CUX1: variants seen among roughly 807,000 people sequenced by gnomAD.
CUX1 encodes the protein protein CASP.
In CUX1, 31 loss-of-function variants were observed where a neutral mutation model predicts 158.8. The observed-to-expected ratio is 0.20, with a 90% CI of 0.15 to 0.26. The LOEUF is 0.26. CUX1 is among the 10% of genes least tolerant of loss of function. The probability of loss-of-function intolerance (pLI) is 1.00; values close to 1 mark genes in which losing one functional copy is unlikely to be tolerated. For synonymous variants in CUX1, 879 were observed against 862.1 expected (o/e 1.02, Z -0.34); for missense variants, 1,589 against 2,014.6 (o/e 0.79, Z 4.04).
In CUX1 at chr7:102,201,781, G is replaced by A. The variant is rs1554519867; in HGVS notation, c.2484G>A (p.Val828=). 1.2e-6 allele frequency: 2 copies of A among 1,612,748 alleles called. No homozygotes were observed. Among genetic ancestry groups the A allele is most frequent in the Non-Finnish European group, 1.7e-6 (2 of 1,179,924 alleles). The change falls in exon 18 of 24, where the codon GTG becomes GTA. Residue 828 remains valine (V), a synonymous_variant. Coordinates refer to ENST00000292535, the MANE Select transcript of CUX1 (RefSeq NM_181552.4). The surrounding 1 kb of genome is among the most constrained non-coding windows in gnomAD (Gnocchi z 5.0). ...GGAAGGACCACTGGTGGAGCGCGGT[G>A]CAGCCGGAGAGAAGAAATGCCGCCT... ...GAWKDHWWSA[V]QPERRNAASS...
intron 2 of CUX1, among the ~76,000 whole-genome samples, chr7:101,952,015 G>T (rs1809122475): frequency 6.6e-6 from 1 of 152,218 alleles, no homozygotes; most frequent in African/African-American, 2.4e-5. Flanking sequence ...AGGCCCATTT[G>T]AACTCCTGTC....
chr7:101,965,402 G>T (rs1343453815), intron 2 of CUX1, among the ~76,000 whole-genome samples: 2 of 152,058 alleles, frequency 1.3e-5, no homozygotes, highest in African/African-American at 4.8e-5. Context: ...CTCCCTCCCA[G>T]ACCTGTTCTC....
chr7:102,003,415 A>C (rs2129280302), intron 2 of CUX1, among the ~76,000 whole-genome samples: 1 of 152,218 alleles, frequency 6.6e-6, no homozygotes, highest in African/African-American at 2.4e-5. Context: ...AATAAAGGGA[A>C]GTTACTTCTT....
In CUX1 at chr7:102,265,281, C is replaced by T. The variant is rs570929330; in HGVS notation, c.1256-8085C>T. 7.5e-4 allele frequency among the ~76,000 whole-genome samples: 113 copies of T among 150,312 alleles called. 1 individual carries two copies. Among genetic ancestry groups the T allele is most frequent in the African/African-American group, 2.5e-3 (103 of 40,872 alleles). ...TGAGGCAGGAGAATTGCTTGAACCC[C>T]GGAGGCAGAGGTTGCAGTGAGCCGA... On this transcript the variant is annotated intron_variant, in intron 14 of 22. Coordinates refer to the CUX1 transcript ENST00000292538.
chr7:102,255,036 G>T lies in CUX1; in HGVS notation c.*5994G>T. ...ATCAGGACGGAAGAGGAGGGGGTGTGGGGGGCAGAGCGTAAAACAAGCCCC... is the reference window on the plus strand; with the variant it reads ...ATCAGGACGGAAGAGGAGGGGGTGTTGGGGGCAGAGCGTAAAACAAGCCCC... On this transcript the variant is annotated 3_prime_UTR_variant, in exon 24 of 24. Coordinates refer to ENST00000292535, the MANE Select transcript of CUX1 (RefSeq NM_181552.4). 1.0e-6 allele frequency: 1 copy of T among 985,436 alleles called. No individual in the cohort carries two copies. The highest frequency in any genetic ancestry group is 1.2e-6 in the Non-Finnish European group (1 of 830,010). The allele number at this position is 985,436 out of a possible 1,614,324, so 61.0% of individuals were successfully genotyped here.
At chr7:102,230,103 G>T (rs1563452267) in intron 21 of CUX1, among the ~76,000 whole-genome samples, 1 of 152,166 alleles carries the variant, frequency 6.6e-6, no homozygotes, top group Non-Finnish European at 1.5e-5. Context: ...CTACCGAGTG[G>T]TTGCAGTTTG....
At chr7:102,183,997 A>G (rs1205316935) in intron 11 of CUX1, among the ~76,000 whole-genome samples, 1 of 152,114 alleles carries the variant, frequency 6.6e-6, no homozygotes, top group South Asian at 2.1e-4. Context: ...TCCCTGGCTC[A>G]AGGAATCCTC....
At chr7:102,205,942 G>T (rs1057008812) in intron 20 of CUX1, among the ~76,000 whole-genome samples, 1 of 152,164 alleles carries the variant, frequency 6.6e-6, no homozygotes, top group Admixed American at 6.6e-5. Context: ...TTCACAGCCA[G>T]CTTTTAGGAA....
In CUX1 at chr7:102,251,710, C is replaced by G; in HGVS notation, c.*2668C>G. The G allele has an allele frequency of 1.0e-6, 1 of 985,322 alleles. No individual in the cohort carries two copies. The highest frequency in any genetic ancestry group is 1.2e-6 in the Non-Finnish European group (1 of 829,914). 61.0% of individuals were successfully genotyped at this position (985,322 alleles called of 1,614,324 possible). On this transcript the variant is annotated 3_prime_UTR_variant, in exon 24 of 24. Coordinates refer to ENST00000292535, the MANE Select transcript of CUX1 (RefSeq NM_181552.4). ...GCAGAGCCCTGACGACTGTGGTGTCCTCTCCACAAAACCCTCAAGGGACTT... is the reference window on the plus strand; with the variant it reads ...GCAGAGCCCTGACGACTGTGGTGTCGTCTCCACAAAACCCTCAAGGGACTT...
rs561208946 is a variant in CUX1, at chr7:102,234,859, C to T, written c.3622+619C>T. Among the ~76,000 whole-genome samples, 55 of 151,922 alleles carry T rather than the reference C, an allele frequency of 3.6e-4. 2 individuals are homozygous for T. In the South Asian group the frequency reaches 8.1e-3, roughly 22 times the overall value. ...AGGCACAAGAATCGCTTGAACCCTG[C>T]AGGCGGTGAACAGAGATTGAGCCAC... On this transcript the variant is annotated intron_variant, in intron 22 of 23. Coordinates refer to ENST00000292535, the MANE Select transcript of CUX1 (RefSeq NM_181552.4).
At chr7:102,051,078 C>A (rs578143799) in intron 3 of CUX1, among the ~76,000 whole-genome samples, 1 of 152,110 alleles carries the variant, frequency 6.6e-6, no homozygotes, top group Admixed American at 6.6e-5. Flanking sequence ...GTCCCTTGCA[C>A]CTCCCTCCAC....
intron 3 of CUX1, among the ~76,000 whole-genome samples, chr7:102,041,985 C>T (rs1320281223): frequency 2.6e-5 from 4 of 152,014 alleles, no homozygotes; most frequent in Non-Finnish European, 5.9e-5. Flanking sequence ...TTATAGTTTG[C>T]TTACCAAGGC....
At chr7:101,861,154 T>A (rs2131361548) in intron 1 of CUX1, among the ~76,000 whole-genome samples, 1 of 152,222 alleles carries the variant, frequency 6.6e-6, no homozygotes, top group Non-Finnish European at 1.5e-5. Context: ...TTAGAACGGA[T>A]CTCAGCCACC....
At chr7:101,917,623 G>A (rs1047267465) in intron 2 of CUX1, among the ~76,000 whole-genome samples, 4 of 152,156 alleles carry the variant, frequency 2.6e-5, no homozygotes, top group African/African-American at 4.8e-5. Flanking sequence ...GGGACAGAAC[G>A]TCCTTCTTCT....
At chr7:101,881,753 T>G (rs1167699912) in intron 1 of CUX1, among the ~76,000 whole-genome samples, 1 of 152,202 alleles carries the variant, frequency 6.6e-6, no homozygotes, top group African/African-American at 2.4e-5. Flanking sequence ...GACTGATGAC[T>G]TTCTGTCACT....
chr7:102,237,322 G>T (rs1799673959), intron 22 of CUX1, among the ~76,000 whole-genome samples: 1 of 151,916 alleles, frequency 6.6e-6, no homozygotes, highest in Non-Finnish European at 1.5e-5. Flanking sequence ...CGGTGTTCTG[G>T]GCTCAAGTGA....
At chr7:102,104,052 A>G (rs974471823) in intron 5 of CUX1, among the ~76,000 whole-genome samples, 2 of 152,050 alleles carry the variant, frequency 1.3e-5, no homozygotes, top group Non-Finnish European at 2.9e-5. Flanking sequence ...ATTGATTTCC[A>G]TCTCCCCCCA....
At chr7:102,219,164 T>C (rs1414395175) in intron 20 of CUX1, among the ~76,000 whole-genome samples, 2 of 151,664 alleles carry the variant, frequency 1.3e-5, no homozygotes, top group African/African-American at 2.4e-5. Context: ...TGAGTTCATC[T>C]TATCCTATTC....
At chr7:102,111,559 G>A in intron 6 of CUX1, 139 bp from the exon 7 acceptor site, 2 of 708,580 alleles carry the variant, frequency 2.8e-6, no homozygotes, top group Admixed American at 2.2e-5. Flanking sequence ...CACGGCACAC[G>A]TGTCGTTGCG....
Sources: allele counts gnomAD v4.1 joint callset (sites outside exome capture counted in the v4.1 genomes callset), GRCh38; gene constraint gnomAD v4.1.1; non-coding constraint Gnocchi (gnomAD v3.1); transcripts MANE v1.5; gene names NCBI Gene and HGNC (gene_info 2026-07-23, HGNC 2026-07-21).